Variants in FRMD4B observed in about 807,000 individuals in gnomAD.
The protein encoded by FRMD4B is FERM domain containing 4B, also known as FERM domain-containing protein 4B.
FRMD4B carries 74 observed loss-of-function variants against 141.5 expected under a neutral mutation model. The ratio of observed to expected loss-of-function variants is 0.52; its 90% CI spans 0.43 to 0.63. The LOEUF (loss-of-function observed/expected upper bound fraction) is 0.63. FRMD4B is among the 30% of genes least tolerant of loss of function. FRMD4B has a pLI of 0.00. For missense variants in FRMD4B, 1,366 were observed against 1,253.4 expected, an observed-to-expected ratio of 1.09 and a Z score of -1.36; for synonymous variants, 506 against 467.9, an observed-to-expected ratio of 1.08 and a Z score of -1.05.
intron 21 of FRMD4B, among the ~76,000 whole-genome samples, chr3:69,180,691 GCT>G (rs2092697478): frequency 6.6e-6 from 1 of 152,110 alleles, no homozygotes; most frequent in South Asian, 2.1e-4. Flanking sequence ...TCTACAATTT[GCT>G]TCATTAGACT....
At chr3:69,527,218 GA>G (rs1006539233) in intron 1 of FRMD4B, among the ~76,000 whole-genome samples, 1 of 151,876 alleles carries the variant, frequency 6.6e-6, no homozygotes, top group Non-Finnish European at 1.5e-5. Context: ...GAAAATGCAG[GA>G]AAAAAAGGAT....
At chr3:69,206,401 A>G (rs1175298792) in intron 11 of FRMD4B, among the ~76,000 whole-genome samples, 1 of 152,180 alleles carries the variant, frequency 6.6e-6, no homozygotes, top group Non-Finnish European at 1.5e-5. Context: ...TGCAAGGAGT[A>G]AAACTCTTGA....
At chr3:69,254,783 CAG>C (rs1207549369) in intron 5 of FRMD4B, among the ~76,000 whole-genome samples, 2 of 152,076 alleles carry the variant, frequency 1.3e-5, no homozygotes, top group African/African-American at 4.8e-5. Flanking sequence ...TCACAGAACA[CAG>C]AGGTGGAAAG....
rs568643572 is a variant in FRMD4B at position 69,269,209 on chromosome 3, G to A, written c.501+18543C>T. On this transcript the variant is annotated intron_variant, in intron 5 of 22. Transcript: ENST00000398540. ...CTCTCAGAGTGTTGGGATTACAGGC[G>A]TTAGCCACTGTGCCTGGCAGATGAG... Among the ~76,000 whole-genome samples the A allele has an allele frequency of 1.3e-4, 19 of 151,932 alleles. No homozygotes were observed. The South Asian group carries it at 2.7e-3, about 22-fold the overall frequency.
chr3:69,305,626 C>T (rs1166092842), intron 3 of FRMD4B, among the ~76,000 whole-genome samples: 1 of 152,174 alleles, frequency 6.6e-6, no homozygotes. Flanking sequence ...TGGTGGCTCA[C>T]ACCTGTAATC....
intron 1 of FRMD4B, chr3:69,471,315 T>G (rs2106946228): frequency 1.2e-5 from 2 of 166,526 alleles, no homozygotes; most frequent in Admixed American, 1.2e-4. Flanking sequence ...AACATGAGGA[T>G]AGTAAACACT....
At chr3:69,278,276 T>C (rs556915621) in intron 5 of FRMD4B, among the ~76,000 whole-genome samples, 1 of 152,318 alleles carries the variant, frequency 6.6e-6, no homozygotes, top group South Asian at 2.1e-4. Context: ...GTTAATTTAT[T>C]GCAGGACTTC....
chr3:69,242,176 A>T (rs1454844091), intron 7 of FRMD4B, among the ~76,000 whole-genome samples: 1 of 152,190 alleles, frequency 6.6e-6, no homozygotes. Context: ...CCACAGGTAC[A>T]TAACAAGTGG....
At chr3:69,220,213 T>G (rs1359184372) in intron 9 of FRMD4B, among the ~76,000 whole-genome samples, 2 of 152,240 alleles carry the variant, frequency 1.3e-5, no homozygotes, top group Non-Finnish European at 2.9e-5. Flanking sequence ...CTGTATGGTA[T>G]GGCCTATTGC....
At chr3:69,198,924 A>C (rs1476176291) in intron 11 of FRMD4B, 150 bp from the exon 12 acceptor site, 1 of 613,368 alleles carries the variant, frequency 1.6e-6, no homozygotes, top group Non-Finnish European at 2.9e-6. Flanking sequence ...TTACAAATCA[A>C]CTATGACCTG....
In FRMD4B at chr3:69,356,670, TGTCCCTTTA is replaced by T. The variant is rs11278181; in HGVS notation, c.162+29149_162+29157del. On this transcript the variant is annotated intron_variant, in intron 1 of 22. Coordinates refer to ENST00000398540, the MANE Select transcript of FRMD4B (RefSeq NM_015123.3). ...TATATATATAATATCCTATTAACTC[TGTCCCTTTA>T]GAGAACCCTTACTAATACACCCCAT... is the stretch of plus-strand genomic sequence containing the variant. Among the ~76,000 whole-genome samples, 1,088 of 150,212 alleles carry T rather than the reference TGTCCCTTTA, an allele frequency of 7.2e-3. 16 individuals are homozygous for T. The highest frequency in any genetic ancestry group is 0.025 in the African/African-American group (1,045 of 41,102).
chr3:69,369,325 T>A (rs901286766), intron 1 of FRMD4B, among the ~76,000 whole-genome samples: 1 of 152,140 alleles, frequency 6.6e-6, no homozygotes, highest in African/African-American at 2.4e-5. Flanking sequence ...CATGACCTAT[T>A]TAGCTCAGAG....
chr3:69,178,917 C>T (rs1291364320), intron 21 of FRMD4B, among the ~76,000 whole-genome samples: 1 of 151,474 alleles, frequency 6.6e-6, no homozygotes, highest in African/African-American at 2.4e-5. Flanking sequence ...AAGCTGCCAA[C>T]AAATGGTAGT....
intron 4 of FRMD4B, among the ~76,000 whole-genome samples, chr3:69,301,293 A>G (rs1701210504): frequency 6.6e-6 from 1 of 152,116 alleles, no homozygotes; most frequent in Non-Finnish European, 1.5e-5. Flanking sequence ...ACCTCAAGCT[A>G]GGTAGAGAAA....
intron 19 of FRMD4B, among the ~76,000 whole-genome samples, chr3:69,183,734 G>T (rs548968144): frequency 6.6e-6 from 1 of 151,542 alleles, no homozygotes; most frequent in African/African-American, 2.4e-5. Flanking sequence ...CGCCCACCTC[G>T]GCCTCCCAAA....
chr3:69,238,984 G>A (rs140578995), intron 7 of FRMD4B, among the ~76,000 whole-genome samples: 192 of 152,234 alleles, frequency 1.3e-3, no homozygotes, highest in Non-Finnish European at 3.8e-4. Flanking sequence ...AAAATTGCTC[G>A]TTGTTCATCT....
intron 11 of FRMD4B, among the ~76,000 whole-genome samples, chr3:69,204,087 G>A (rs1272802755): frequency 6.6e-6 from 1 of 152,094 alleles, no homozygotes; most frequent in East Asian, 1.9e-4. Flanking sequence ...GACATAAATG[G>A]GGAGGGAGGG....
intron 3 of FRMD4B, chr3:69,310,553 AACACACAC>A: frequency 3.4e-6 from 1 of 296,092 alleles, no homozygotes. Flanking sequence ...CACACAGACA[AACACACAC>A]ACACACACAC....
intron 1 of FRMD4B, among the ~76,000 whole-genome samples, chr3:69,355,386 G>C (rs1268097268): frequency 1.3e-5 from 2 of 152,164 alleles, no homozygotes; most frequent in African/African-American, 4.8e-5. Context: ...TGTTTGGAAG[G>C]TGGGGAATTA....
Sources: gnomAD v4.1 joint callset for allele counts (sites outside exome capture counted in the v4.1 genomes callset) on GRCh38, gnomAD v4.1.1 for gene constraint, MANE v1.5 for transcripts, NCBI Gene and HGNC (gene_info 2026-07-23, HGNC 2026-07-21) for gene names.